PPFIA2: variants seen among roughly 807,000 people sequenced by gnomAD.
The protein encoded by PPFIA2 is liprin-alpha-2.
PPFIA2 carries 46 observed loss-of-function variants against 175.5 expected under a neutral mutation model. The observed-to-expected ratio is 0.26, with a 90% CI of 0.21 to 0.34. PPFIA2 has a LOEUF of 0.34. Ranked by LOEUF, PPFIA2 falls within the 10% of genes least tolerant of loss-of-function variation. PPFIA2 has a pLI of 1.00. For missense variants in PPFIA2, 1,179 were observed against 1,506.1 expected (o/e 0.78, Z 3.60); for synonymous variants, 568 against 511.4 (o/e 1.11, Z -1.49).
chr12:81,672,824 C>G (rs2071693115), intron 4 of PPFIA2, among the ~76,000 whole-genome samples: 1 of 151,930 alleles, frequency 6.6e-6, no homozygotes, highest in African/African-American at 2.4e-5. Context: ...AATGAAACAT[C>G]TTCACATTTG....
intron 4 of PPFIA2, among the ~76,000 whole-genome samples, chr12:81,543,058 C>A (rs548298079): frequency 2.0e-5 from 3 of 152,254 alleles, no homozygotes; most frequent in South Asian, 4.1e-4. Flanking sequence ...TCCATGTCTG[C>A]AGTTGCCTTG....
chr12:81,728,062 A>G (rs757611247), intron 3 of PPFIA2, among the ~76,000 whole-genome samples: 3 of 151,472 alleles, frequency 2.0e-5, no homozygotes, highest in African/African-American at 7.3e-5. Context: ...GATTAATATG[A>G]TGAATGTGTA....
Position 81,758,387 on chromosome 12 carries a change from A to C in PPFIA2, c.-3+13T>G. On this transcript the variant is annotated intron_variant, in intron 2 of 32. Transcript: ENST00000549396. Reference sequence around the variant, plus strand: ...CGAAAGGAGACAGTAAAACTCAAAGACAGCTTCTGTACCTAATGTCTGTGA... The same window carrying C: ...CGAAAGGAGACAGTAAAACTCAAAGCCAGCTTCTGTACCTAATGTCTGTGA... 1 of 456,424 alleles carries C rather than the reference A, an allele frequency of 2.2e-6. No homozygotes were observed. Among genetic ancestry groups the C allele is most frequent in the Non-Finnish European group, 4.4e-6 (1 of 226,742 alleles). The allele number at this position is 456,424 out of a possible 1,614,324, so 28.3% of individuals were successfully genotyped here. A position where few individuals can be genotyped will look rare whatever the true frequency, so the allele number is the denominator to read the frequency against.
chr12:81,597,912 T>C (rs1425645408), intron 4 of PPFIA2: 2 of 1,523,226 alleles, frequency 1.3e-6, no homozygotes, highest in African/African-American at 1.4e-5. Context: ...TGACAATACA[T>C]TAACTTACTA....
chr12:81,647,812 C>CTATA (rs1464758407), intron 4 of PPFIA2, among the ~76,000 whole-genome samples: 1 of 135,372 alleles, frequency 7.4e-6, no homozygotes, highest in African/African-American at 2.7e-5. Flanking sequence ...ATTATATATA[C>CTATA]TATAAAATAT....
intron 3 of PPFIA2, among the ~76,000 whole-genome samples, chr12:81,709,872 TAAG>T (rs907653162): frequency 6.6e-6 from 1 of 152,070 alleles, no homozygotes; most frequent in Non-Finnish European, 1.5e-5. Flanking sequence ...GCTAAATAAA[TAAG>T]AATATACATA....
chr12:81,470,572 T>C (rs2056549611), intron 4 of PPFIA2, among the ~76,000 whole-genome samples: 1 of 152,188 alleles, frequency 6.6e-6, no homozygotes, highest in Non-Finnish European at 1.5e-5. Context: ...ACTAGGTATA[T>C]ACCCAAGAAA....
At chr12:81,487,180 G>A (rs1171723300) in intron 4 of PPFIA2, among the ~76,000 whole-genome samples, 2 of 151,756 alleles carry the variant, frequency 1.3e-5, no homozygotes, top group African/African-American at 4.8e-5. Flanking sequence ...GGAGTGAGTT[G>A]GTTATCTGTC....
At chr12:81,559,131 C>A (rs972248111) in intron 4 of PPFIA2, among the ~76,000 whole-genome samples, 1 of 152,154 alleles carries the variant, frequency 6.6e-6, no homozygotes, top group African/African-American at 2.4e-5. Context: ...TACTACCCTT[C>A]ATTTATTTAA....
At chr12:81,261,323 T>A (rs181642128) in intron 32 of PPFIA2, 4 of 152,302 alleles carry the variant, frequency 2.6e-5, no homozygotes, top group African/African-American at 4.8e-5. Context: ...TTCAAGTGAC[T>A]CTCTTGCCTC....
intron 4 of PPFIA2, among the ~76,000 whole-genome samples, chr12:81,664,827 C>T (rs568498104): frequency 6.6e-6 from 1 of 152,116 alleles, no homozygotes; most frequent in South Asian, 2.1e-4. Flanking sequence ...GAAAATGTGG[C>T]ACATATACAC....
chr12:81,589,382 T>C (rs889017777), intron 4 of PPFIA2, among the ~76,000 whole-genome samples: 1 of 152,146 alleles, frequency 6.6e-6, no homozygotes, highest in Non-Finnish European at 1.5e-5. Flanking sequence ...TTGCCCTTTA[T>C]ATCTTTCAGT....
intron 19 of PPFIA2, among the ~76,000 whole-genome samples, chr12:81,344,354 T>G (rs898938078): frequency 2.0e-5 from 3 of 149,456 alleles, no homozygotes; most frequent in Non-Finnish European, 4.4e-5. Context: ...TTAAAACATT[T>G]GTACTATATT....
At chr12:81,432,318 T>C (rs534877141) in intron 7 of PPFIA2, among the ~76,000 whole-genome samples, 1 of 152,082 alleles carries the variant, frequency 6.6e-6, no homozygotes, top group Non-Finnish European at 1.5e-5. Context: ...CTGAGGCTGG[T>C]CTCACACTCC....
chr12:81,331,959 G>A (rs534346164), intron 21 of PPFIA2, among the ~76,000 whole-genome samples: 1 of 152,202 alleles, frequency 6.6e-6, no homozygotes, highest in Non-Finnish European at 1.5e-5. Flanking sequence ...AAGAGTTGGT[G>A]TTTCTCAGGT....
chr12:81,326,397 G>A (rs2054765352), intron 21 of PPFIA2, among the ~76,000 whole-genome samples: 1 of 152,248 alleles, frequency 6.6e-6, no homozygotes, highest in South Asian at 2.1e-4. Context: ...CTGGAAATTT[G>A]TTCTGCTCTA....
chr12:81,452,543 T>C (rs896882147), intron 5 of PPFIA2, among the ~76,000 whole-genome samples: 3 of 152,238 alleles, frequency 2.0e-5, no homozygotes, highest in African/African-American at 7.2e-5. Flanking sequence ...CCTATCCTAT[T>C]TACTCTTGTA....
At chr12:81,754,286 A>G in intron 2 of PPFIA2, 63 bp from the exon 3 acceptor site, 3 of 1,517,042 alleles carry the variant, frequency 2.0e-6, no homozygotes, top group Non-Finnish European at 2.7e-6. Context: ...TTTCATTTGG[A>G]GAGCAATTCA....
intron 21 of PPFIA2, among the ~76,000 whole-genome samples, chr12:81,332,135 T>A (rs938763767): frequency 2.0e-5 from 3 of 152,012 alleles, no homozygotes; most frequent in Admixed American, 6.6e-5. Flanking sequence ...TAACTCTCAC[T>A]TCTGCTTGGA....
Sources: allele counts gnomAD v4.1 joint callset (sites outside exome capture counted in the v4.1 genomes callset), GRCh38; gene constraint gnomAD v4.1.1; transcripts MANE v1.5; gene names NCBI Gene and HGNC (gene_info 2026-07-23, HGNC 2026-07-21).